FRMPD4: variants seen among roughly 807,000 people sequenced by gnomAD.
The protein encoded by FRMPD4 is FERM and PDZ domain-containing protein 4.
FRMPD4 carries 22 observed loss-of-function variants against 94.1 expected under a neutral mutation model. That is an observed-to-expected ratio of 0.23 (90% CI 0.17 to 0.33). FRMPD4 has a LOEUF of 0.33. FRMPD4 is among the 10% of genes least tolerant of loss of function. The probability of loss-of-function intolerance (pLI) is 1.00; values close to 1 mark genes in which losing one functional copy is unlikely to be tolerated. For missense variants in FRMPD4, 1,111 were observed against 1,339.9 expected (o/e 0.83, Z 2.67); for synonymous variants, 631 against 548.6 (o/e 1.15, Z -2.10).
At chrX:12,172,057 G>A (rs2056234506) in intron 1 of FRMPD4, among the ~76,000 whole-genome samples, 1 of 111,306 alleles carries the variant, frequency 9.0e-6, no homozygotes, top group Non-Finnish European at 1.9e-5. Context: ...ACCATGTCAG[G>A]TCACCAATGC....
At chrX:12,120,920 C>T (rs1026233496) in intron 3 of FRMPD4, among the ~76,000 whole-genome samples, 7 of 110,122 alleles carry the variant, frequency 6.4e-5, no homozygotes, top group African/African-American at 2.3e-4. Context: ...CAAGTGTAGG[C>T]TGTGAATCCT....
chrX:12,179,130 C>T (rs1333945995), intron 1 of FRMPD4, among the ~76,000 whole-genome samples: 1 of 111,615 alleles, frequency 9.0e-6, no homozygotes, highest in Non-Finnish European at 1.9e-5. Context: ...GGTTCTTTTC[C>T]ACATCATCTC....
intron 3 of FRMPD4, among the ~76,000 whole-genome samples, chrX:12,122,859 G>T (rs1022775737): frequency 9.0e-6 from 1 of 111,522 alleles, no homozygotes; most frequent in African/African-American, 3.2e-5. Flanking sequence ...ATTAGAAAAA[G>T]ATTTACTTCC....
intron 1 of FRMPD4, among the ~76,000 whole-genome samples, chrX:12,191,068 CA>C (rs2056485816): frequency 8.9e-6 from 1 of 112,262 alleles, no homozygotes; most frequent in Non-Finnish European, 1.9e-5. Flanking sequence ...GAACACAACA[CA>C]AATTTTAAAA....
chrX:12,056,364 C>G (rs1006458124), intron 3 of FRMPD4, among the ~76,000 whole-genome samples: 10 of 111,930 alleles, frequency 8.9e-5, no homozygotes, highest in African/African-American at 2.9e-4. Flanking sequence ...TATAGGGGCC[C>G]TCTCTGAAAC....
intron 3 of FRMPD4, among the ~76,000 whole-genome samples, chrX:12,038,378 G>T (rs1042856228): frequency 8.9e-5 from 10 of 111,998 alleles, no homozygotes; most frequent in Middle Eastern, 9.2e-3. Context: ...TCATCCAAAT[G>T]TGCTTTTAGC....
chrX:12,042,820 G>A (rs913617985), intron 3 of FRMPD4, among the ~76,000 whole-genome samples: 6 of 111,957 alleles, frequency 5.4e-5, no homozygotes, highest in African/African-American at 1.3e-4. Flanking sequence ...TAGCAAGACC[G>A]TGGGTTTCTC....
At chrX:12,502,302 A>G (rs1460667752) in intron 2 of FRMPD4, among the ~76,000 whole-genome samples, 3 of 112,701 alleles carry the variant, frequency 2.7e-5, no homozygotes, top group Admixed American at 1.9e-4. Flanking sequence ...AGAAATATGA[A>G]ATGCAGTTTT....
At chrX:12,656,210 T>A (rs760128506) in intron 4 of FRMPD4, among the ~76,000 whole-genome samples, 2 of 111,824 alleles carry the variant, frequency 1.8e-5, no homozygotes, top group African/African-American at 6.5e-5. Flanking sequence ...AAAAGTAAGG[T>A]AAAGGAAGAC....
At chrX:12,433,454 A>T (rs903891776) in intron 1 of FRMPD4, among the ~76,000 whole-genome samples, 5 of 111,928 alleles carry the variant, frequency 4.5e-5, no homozygotes, top group Admixed American at 3.8e-4. Flanking sequence ...ATCAAAGGGG[A>T]GTGAGCAGGT....
At chrX:12,417,084 A>T (rs1350288710) in intron 1 of FRMPD4, among the ~76,000 whole-genome samples, 1 of 111,041 alleles carries the variant, frequency 9.0e-6, no homozygotes, top group African/African-American at 3.3e-5. Context: ...GTTCTATAGC[A>T]TGAGTGCATA....
intron 1 of FRMPD4, among the ~76,000 whole-genome samples, chrX:12,477,740 T>C (rs1321155486): frequency 1.8e-5 from 2 of 113,021 alleles, no homozygotes; most frequent in Non-Finnish European, 3.7e-5. Flanking sequence ...TACATGCAAG[T>C]ATAATTTTGT....
intron 1 of FRMPD4, among the ~76,000 whole-genome samples, chrX:12,269,775 C>T (rs2054327826): frequency 8.9e-6 from 1 of 111,799 alleles, no homozygotes; most frequent in Non-Finnish European, 1.9e-5. Context: ...AGTTATCTGG[C>T]TCCAAATGTC....
chrX:11,869,492 T>G (rs1451412710), intron 2 of FRMPD4, among the ~76,000 whole-genome samples: 1 of 112,213 alleles, frequency 8.9e-6, no homozygotes, highest in Non-Finnish European at 1.9e-5. Context: ...AGTGATGTGA[T>G]GAATATGTTA....
At chrX:12,348,945 C>G (rs1193143154) in intron 1 of FRMPD4, among the ~76,000 whole-genome samples, 1 of 112,325 alleles carries the variant, frequency 8.9e-6, no homozygotes, top group Admixed American at 9.4e-5. Flanking sequence ...AGCTACCAAC[C>G]TCGATATGGA....
intron 3 of FRMPD4, among the ~76,000 whole-genome samples, chrX:11,961,847 A>G: frequency 8.9e-6 from 1 of 111,928 alleles, no homozygotes; most frequent in East Asian, 2.8e-4. Flanking sequence ...TTCATGATCT[A>G]TTTCCCAGGC....
intron 3 of FRMPD4, among the ~76,000 whole-genome samples, chrX:11,981,354 A>G (rs6639113): frequency 0.089 from 9,907 of 110,998 alleles, 371 homozygotes; most frequent in East Asian, 0.24. Flanking sequence ...GGCTCTGTCA[A>G]TTTTGCTTAA....
At chrX:12,686,344 T>C (rs2060024196) in intron 7 of FRMPD4, 140 bp downstream of exon 7, 2 of 378,462 alleles carry the variant, frequency 5.3e-6, no homozygotes, top group East Asian at 8.5e-5. Context: ...TATAATGTAG[T>C]CTGTGAATAC....
chrX:12,348,037 A>G (rs1264367635), intron 1 of FRMPD4, among the ~76,000 whole-genome samples: 1 of 112,165 alleles, frequency 8.9e-6, no homozygotes, highest in African/African-American at 3.2e-5. Flanking sequence ...AATCTAATTT[A>G]TGAACAGTTG....
Sources: allele counts gnomAD v4.1 joint callset (sites outside exome capture counted in the v4.1 genomes callset), GRCh38; gene constraint gnomAD v4.1.1; transcripts MANE v1.5; gene names NCBI Gene and HGNC (gene_info 2026-07-23, HGNC 2026-07-21).